TBC1D19: variants seen among roughly 807,000 people sequenced by gnomAD.
TBC1D19 encodes TBC1 domain family, member 19.
A neutral mutation model predicts 89.0 loss-of-function variants in TBC1D19; 60 were observed. The observed-to-expected ratio is 0.67, with a 90% CI of 0.55 to 0.84. The LOEUF (loss-of-function observed/expected upper bound fraction) is 0.84, where lower values mean the gene tolerates loss of function less well. Among genes scored for constraint, TBC1D19 ranks in the 40% least tolerant of loss-of-function variants. TBC1D19 has a pLI of 0.00. For synonymous variants in TBC1D19, 189 were observed against 199.7 expected (o/e 0.95, Z 0.45); for missense variants, 500 against 610.8 (o/e 0.82, Z 1.91).
At chr4:26,610,463 A>T (rs1214373536) in intron 1 of TBC1D19, among the ~76,000 whole-genome samples, 2 of 144,732 alleles carry the variant, frequency 1.4e-5, no homozygotes, top group Non-Finnish European at 3.1e-5. Flanking sequence ...ATTATTCTTA[A>T]CTTTTAGTTT....
the TBC1D19 span, among the ~76,000 whole-genome samples, chr4:26,805,185 AG>A: frequency 6.6e-6 from 1 of 152,234 alleles, no homozygotes; most frequent in African/African-American, 2.4e-5. Flanking sequence ...AGATTAAAAA[AG>A]TCCATAAAGG....
chr4:26,643,746 T>G (rs948984396), intron 7 of TBC1D19, among the ~76,000 whole-genome samples: 3 of 152,130 alleles, frequency 2.0e-5, no homozygotes, highest in Admixed American at 2.0e-4. Context: ...AAAGGGAATA[T>G]CACCACCGAT....
chr4:26,768,039 G>A, the TBC1D19 span, among the ~76,000 whole-genome samples: 1 of 152,154 alleles, frequency 6.6e-6, no homozygotes, highest in African/African-American at 2.4e-5. Flanking sequence ...CCAGAGAGGA[G>A]AGAGATGCAC....
the TBC1D19 span, among the ~76,000 whole-genome samples, chr4:26,857,185 T>C: frequency 2.0e-5 from 3 of 152,236 alleles, no homozygotes; most frequent in Admixed American, 6.5e-5. Context: ...TAGGGCTTCA[T>C]TGATCGAATG....
At chr4:26,597,797 A>G (rs931664948) in intron 1 of TBC1D19, among the ~76,000 whole-genome samples, 2 of 151,620 alleles carry the variant, frequency 1.3e-5, no homozygotes, top group South Asian at 4.2e-4. Context: ...TATTTGATAT[A>G]CTTCATATTC....
At chr4:26,702,540 T>G (rs1253689912) in intron 13 of TBC1D19, among the ~76,000 whole-genome samples, 2 of 152,204 alleles carry the variant, frequency 1.3e-5, no homozygotes, top group African/African-American at 2.4e-5. Context: ...TCACAAACAG[T>G]AAGTACTATA....
At chr4:26,633,315 G>C (rs1742915423) in intron 4 of TBC1D19, among the ~76,000 whole-genome samples, 1 of 152,136 alleles carries the variant, frequency 6.6e-6, no homozygotes, top group Non-Finnish European at 1.5e-5. Context: ...GGCTGAATTA[G>C]AGACGTTGTG....
intron 15 of TBC1D19, among the ~76,000 whole-genome samples, chr4:26,721,786 CTATT>C (rs1324031951): frequency 1.3e-5 from 2 of 152,112 alleles, no homozygotes; most frequent in East Asian, 1.9e-4. Flanking sequence ...CAATATCAAA[CTATT>C]TATTATTTAT....
intron 1 of TBC1D19, among the ~76,000 whole-genome samples, chr4:26,590,796 G>GTTTTTTTTTCTTTTT (rs1739724048): frequency 1.9e-5 from 1 of 52,958 alleles, no homozygotes; most frequent in Non-Finnish European, 3.1e-5. Flanking sequence ...TTGCAGGTCT[G>GTTTTTTTTTCTTTTT]TTTTTTTTTT....
At chr4:26,828,141 A>G in the TBC1D19 span, among the ~76,000 whole-genome samples, 1 of 152,172 alleles carries the variant, frequency 6.6e-6, no homozygotes, top group Non-Finnish European at 1.5e-5. Flanking sequence ...TTCCCCTTCT[A>G]TTAAATGGGC....
At chr4:26,793,911 T>C in the TBC1D19 span, among the ~76,000 whole-genome samples, 3 of 152,186 alleles carry the variant, frequency 2.0e-5, no homozygotes, top group Non-Finnish European at 2.9e-5. Flanking sequence ...CCAATAGTTC[T>C]AGCAAATGCT....
intron 1 of TBC1D19, among the ~76,000 whole-genome samples, chr4:26,588,770 T>C (rs1739588033): frequency 6.6e-6 from 1 of 152,256 alleles, no homozygotes; most frequent in African/African-American, 2.4e-5. Flanking sequence ...TGATTTTAGC[T>C]GTTTACTTAC....
chr4:26,684,165 A>G (rs1452199266), intron 12 of TBC1D19, among the ~76,000 whole-genome samples: 1 of 152,142 alleles, frequency 6.6e-6, no homozygotes, highest in African/African-American at 2.4e-5. Flanking sequence ...TTTAGTTTCT[A>G]GACATATGGC....
At chr4:26,663,375 T>TA (rs1397028390) in intron 8 of TBC1D19, among the ~76,000 whole-genome samples, 1 of 152,198 alleles carries the variant, frequency 6.6e-6, no homozygotes, top group Non-Finnish European at 1.5e-5. Flanking sequence ...GTGCATGAGC[T>TA]AAAATCCTCA....
At chr4:26,742,660 C>T (rs1255536130) in intron 18 of TBC1D19, 61 bp downstream of exon 18, 3 of 1,308,194 alleles carry the variant, frequency 2.3e-6, no homozygotes, top group South Asian at 2.9e-5. Context: ...CTTTTTTCCT[C>T]ATTGCAGAGC....
intron 7 of TBC1D19, among the ~76,000 whole-genome samples, chr4:26,654,228 GCTGCTGAGAGAT>G (rs1298003172): frequency 1.3e-5 from 2 of 152,140 alleles, no homozygotes; most frequent in Non-Finnish European, 2.9e-5. Flanking sequence ...TTGTAGAGTT[GCTGCTGAGAGAT>G]CTGCTGTTAG....
chr4:26,595,870 T>C (rs1486557758), intron 1 of TBC1D19, among the ~76,000 whole-genome samples: 1 of 152,234 alleles, frequency 6.6e-6, no homozygotes, highest in East Asian at 1.9e-4. Context: ...TTTATAAGTC[T>C]TGAAGTTGGT....
chr4:26,653,572 A>C (rs769599184), intron 7 of TBC1D19, among the ~76,000 whole-genome samples: 1 of 152,124 alleles, frequency 6.6e-6, no homozygotes, highest in Non-Finnish European at 1.5e-5. Flanking sequence ...TTGGGTGCAT[A>C]TATATTTAGG....
chr4:26,745,421 AT>A (rs761535121), intron 18 of TBC1D19, among the ~76,000 whole-genome samples: 10 of 127,852 alleles, frequency 7.8e-5, no homozygotes, highest in East Asian at 7.0e-4. Flanking sequence ...TTTTTATTCC[AT>A]TTTATCTCCA....
Sources: gnomAD v4.1 joint callset for allele counts (sites outside exome capture counted in the v4.1 genomes callset) on GRCh38, gnomAD v4.1.1 for gene constraint, MANE v1.5 for transcripts, NCBI Gene and HGNC (gene_info 2026-07-23, HGNC 2026-07-21) for gene names.